NUP98: variants seen among roughly 807,000 people sequenced by gnomAD.
NUP98 encodes nucleoporin 98 and 96 precursor, also known as nuclear pore complex protein Nup98-Nup96.
In NUP98, 26 loss-of-function variants were observed where a neutral mutation model predicts 191.9. The observed-to-expected ratio is 0.14, with a 90% CI of 0.10 to 0.19. The LOEUF is 0.19. Among genes scored for constraint, NUP98 ranks in the 10% least tolerant of loss-of-function variants. NUP98 has a pLI of 1.00. For missense variants in NUP98, 1,941 were observed against 2,178.8 expected (o/e 0.89, Z 2.17); for synonymous variants, 808 against 778.4 (o/e 1.04, Z -0.63).
intron 28 of NUP98, among the ~76,000 whole-genome samples, chr11:3,687,458 G>C (rs2078165298): frequency 6.6e-6 from 1 of 152,202 alleles, no homozygotes; most frequent in African/African-American, 2.4e-5. Context: ...GAAATCTTCT[G>C]CCTAACCTAC....
At chr11:3,688,798 T>C (rs1277493305) in intron 28 of NUP98, among the ~76,000 whole-genome samples, 3 of 130,958 alleles carry the variant, frequency 2.3e-5, no homozygotes, top group Non-Finnish European at 4.8e-5. Flanking sequence ...GTCTCGAAAA[T>C]ATATATATGT....
At chr11:3,758,016 A>G (rs2081036840) in intron 10 of NUP98, among the ~76,000 whole-genome samples, 1 of 151,362 alleles carries the variant, frequency 6.6e-6, no homozygotes, top group Non-Finnish European at 1.5e-5. Flanking sequence ...GGGAAGGGAG[A>G]TGATGATTAA....
intron 25 of NUP98, among the ~76,000 whole-genome samples, chr11:3,697,820 TAA>T (rs199874258): frequency 0.1 from 9,743 of 96,628 alleles, 538 homozygotes; most frequent in African/African-American, 0.2. Flanking sequence ...GACTCTGTCT[TAA>T]AAAAAAAAAA....
At chr11:3,769,791 TC>T (rs1448546340) in intron 7 of NUP98, among the ~76,000 whole-genome samples, 4 of 151,810 alleles carry the variant, frequency 2.6e-5, no homozygotes, top group Non-Finnish European at 4.4e-5. Flanking sequence ...ATGCCTGTAA[TC>T]CCAGCACTTT....
chr11:3,790,758 G>A (rs1290809755), intron 1 of NUP98, among the ~76,000 whole-genome samples: 1 of 152,072 alleles, frequency 6.6e-6, no homozygotes, highest in East Asian at 1.9e-4. Context: ...CAACACTACA[G>A]CACAATTCTT....
intron 10 of NUP98, among the ~76,000 whole-genome samples, chr11:3,754,924 A>G (rs2080904319): frequency 7.1e-6 from 1 of 140,286 alleles, no homozygotes; most frequent in South Asian, 2.4e-4. Flanking sequence ...CCTAGACGAC[A>G]TAGCGAGACA....
At chr11:3,777,413 G>A (rs1368906081) in intron 4 of NUP98, among the ~76,000 whole-genome samples, 2 of 152,056 alleles carry the variant, frequency 1.3e-5, no homozygotes, top group African/African-American at 4.8e-5. Context: ...ACAAGGTCAG[G>A]AGTTCGAGAC....
intron 10 of NUP98, among the ~76,000 whole-genome samples, chr11:3,757,162 T>C (rs2080994447): frequency 6.7e-6 from 1 of 149,198 alleles, no homozygotes; most frequent in Admixed American, 6.7e-5. Context: ...TTTTATCAAG[T>C]GTAGCCTATA....
chr11:3,750,637 T>G (rs180812609), intron 11 of NUP98, among the ~76,000 whole-genome samples: 3 of 152,002 alleles, frequency 2.0e-5, no homozygotes, highest in Admixed American at 6.6e-5. Flanking sequence ...TTTTTTTGTT[T>G]TTTGTTTTAG....
chr11:3,679,611 A>G lies in NUP98; in HGVS notation c.5016T>C (p.Ser1672=), dbSNP rs1695107069. Residue 1672 remains serine (S), a synonymous_variant, in exon 31 of 33, where the codon TCT becomes TCC. Coordinates refer to ENST00000324932, the MANE Select transcript of NUP98 (RefSeq NM_016320.5). ...RSSLIQDWET[S]GLVYLDYIRV... is the part of the protein sequence containing the mutation. Reference sequence around the variant, plus strand: ...TAATATAGTCCAGGTAAACAAGCCCAGATGTTTCCCAATCCTGAATTAGGC... The same window carrying G: ...TAATATAGTCCAGGTAAACAAGCCCGGATGTTTCCCAATCCTGAATTAGGC... The G allele has an allele frequency of 6.2e-7, 1 of 1,614,106 alleles. No homozygotes were observed. Among genetic ancestry groups the G allele is most frequent in the South Asian group, 1.1e-5 (1 of 91,092 alleles).
At chr11:3,709,821 G>C (rs1279648290) in intron 20 of NUP98, among the ~76,000 whole-genome samples, 5 of 3,374 alleles carry the variant, frequency 1.5e-3, no homozygotes, top group Non-Finnish European at 9.1e-3. Flanking sequence ...GTTGTGGGGT[G>C]GGGGGAGGGG....
intron 11 of NUP98, among the ~76,000 whole-genome samples, chr11:3,751,392 A>C (rs892773829): frequency 6.6e-6 from 1 of 152,072 alleles, no homozygotes; most frequent in Non-Finnish European, 1.5e-5. Flanking sequence ...CTAAACCCTA[A>C]ATATAAAAGA....
At chr11:3,701,306 T>A (rs2078670754) in intron 23 of NUP98, among the ~76,000 whole-genome samples, 1 of 147,736 alleles carries the variant, frequency 6.8e-6, no homozygotes, top group African/African-American at 2.5e-5. Flanking sequence ...GTCGCTGAGG[T>A]TGGAATGCAG....
chr11:3,778,198 C>CAAAAAAAAAAAAAA (rs71302029), intron 4 of NUP98, among the ~76,000 whole-genome samples: 1 of 60,540 alleles, frequency 1.7e-5, no homozygotes, highest in Non-Finnish European at 3.3e-5. Context: ...GACTCCATCT[C>CAAAAAAAAAAAAAA]AAAAAAAAAA....
chr11:3,797,549 G>A lies in NUP98; in HGVS notation c.-178C>T, dbSNP rs1270211857. The A allele has an allele frequency of 8.3e-6, 4 of 480,612 alleles. No individual in the cohort carries two copies. The highest frequency in any genetic ancestry group is 7.1e-5 in the East Asian group (2 of 28,258). The allele number at this position is 480,612 out of a possible 1,614,324, so 29.8% of individuals were successfully genotyped here. A position where few individuals can be genotyped will look rare whatever the true frequency, so the allele number is the denominator to read the frequency against. The stretch of plus-strand genomic sequence containing the variant: ...TTCGGGCGCAGCGCGCAGAGGGCCC[G>A]ACTGCGTCACACGCCGCCCGGCGTC... On this transcript the variant is annotated 5_prime_UTR_variant, in exon 1 of 33. Transcript: ENST00000324932.
In NUP98 at chr11:3,695,438, G is replaced by A. The variant is rs1412513537; in HGVS notation, c.4167+11C>T. ...ACCAATGTGAGATATTATGGTAAAA[G>A]TAGAAGATACCGGTTTTCCAGCCAA... is the stretch of plus-strand genomic sequence containing the variant. On this transcript the variant is annotated intron_variant, in intron 26 of 32. Coordinates refer to ENST00000324932, the MANE Select transcript of NUP98 (RefSeq NM_016320.5). The A allele has an allele frequency of 2.6e-6, 4 of 1,530,508 alleles. No homozygotes were observed. The highest frequency in any genetic ancestry group is 3.5e-6 in the Non-Finnish European group (4 of 1,135,142). The allele number at this position is 1,530,508 out of a possible 1,614,324, so 94.8% of individuals were successfully genotyped here.
chr11:3,777,691 T>C (rs372949600), intron 4 of NUP98, among the ~76,000 whole-genome samples: 6 of 151,720 alleles, frequency 4.0e-5, no homozygotes, highest in African/African-American at 1.5e-4. Flanking sequence ...GAAATTTATA[T>C]GCCAATATTT....
intron 1 of NUP98, among the ~76,000 whole-genome samples, 175 bp downstream of exon 1, chr11:3,797,225 C>CCCGGGCT (rs1402830493): frequency 2.6e-5 from 4 of 152,276 alleles, no homozygotes; most frequent in African/African-American, 4.8e-5. Flanking sequence ...AGCCGGGCCT[C>CCCGGGCT]CCGGGCTCCG....
intron 13 of NUP98, among the ~76,000 whole-genome samples, chr11:3,734,183 C>T (rs1327276466): frequency 6.6e-6 from 1 of 151,942 alleles, no homozygotes; most frequent in Non-Finnish European, 1.5e-5. Context: ...TTACAGGTGC[C>T]CACCACCATG....
Sources: allele counts gnomAD v4.1 joint callset (sites outside exome capture counted in the v4.1 genomes callset), GRCh38; gene constraint gnomAD v4.1.1; transcripts MANE v1.5; gene names NCBI Gene and HGNC (gene_info 2026-07-23, HGNC 2026-07-21).